Variants in UBE2E2 observed in about 807,000 individuals in gnomAD.
UBE2E2 encodes the protein ubiquitin conjugating enzyme E2 E2, also known as ubiquitin-conjugating enzyme E2 E2.
Under a neutral mutation model 24.7 loss-of-function variants are expected in UBE2E2, and 6 were observed. That is an observed-to-expected ratio of 0.24 (90% confidence interval 0.13 to 0.48). The LOEUF (loss-of-function observed/expected upper bound fraction) is 0.48, where lower values mean the gene tolerates loss of function less well. UBE2E2 is among the 20% of genes least tolerant of loss of function. UBE2E2 has a pLI of 0.99. For missense variants in UBE2E2, 169 were observed against 245.0 expected, an observed-to-expected ratio of 0.69 and a Z score of 2.07; for synonymous variants, 104 against 83.6, an observed-to-expected ratio of 1.24 and a Z score of -1.33.
chr3:23,373,320 G>T (rs552109556), intron 3 of UBE2E2, among the ~76,000 whole-genome samples: 1 of 152,282 alleles, frequency 6.6e-6, no homozygotes, highest in East Asian at 1.9e-4. Flanking sequence ...GACACTCACT[G>T]TCCTGTGGGG....
intron 3 of UBE2E2, among the ~76,000 whole-genome samples, chr3:23,263,350 G>C (rs1467996565): frequency 1.3e-5 from 2 of 152,162 alleles, no homozygotes; most frequent in African/African-American, 4.8e-5. Context: ...AAGATCTTTT[G>C]TGTTTTTGAG....
At chr3:23,336,609 T>C (rs944557618) in intron 3 of UBE2E2, among the ~76,000 whole-genome samples, 2 of 152,196 alleles carry the variant, frequency 1.3e-5, no homozygotes, top group East Asian at 3.8e-4. Flanking sequence ...TAATGTAAAA[T>C]TGTAACAAGT....
intron 3 of UBE2E2, among the ~76,000 whole-genome samples, chr3:23,363,040 G>A (rs1370394443): frequency 6.6e-6 from 1 of 152,130 alleles, no homozygotes; most frequent in Non-Finnish European, 1.5e-5. Context: ...TTCATATTTG[G>A]CAAAACTAAG....
chr3:23,540,724 A>G (rs1431761179), intron 5 of UBE2E2, among the ~76,000 whole-genome samples: 1 of 152,048 alleles, frequency 6.6e-6, no homozygotes, highest in Non-Finnish European at 1.5e-5. Context: ...TTTTAAAAAA[A>G]TAGAGAGAGA....
At chr3:23,216,688 T>G (rs1461690247) in intron 2 of UBE2E2, among the ~76,000 whole-genome samples, 4 of 152,250 alleles carry the variant, frequency 2.6e-5, no homozygotes, top group South Asian at 4.1e-4. Flanking sequence ...ATTTTTTTTT[T>G]TGCATGAAGC....
intron 5 of UBE2E2, among the ~76,000 whole-genome samples, chr3:23,547,934 C>A (rs1461592714): frequency 6.6e-6 from 1 of 152,134 alleles, no homozygotes; most frequent in East Asian, 1.9e-4. Context: ...GAAGCTATTC[C>A]CATACTTTGA....
At chr3:23,372,286 T>C (rs555369293) in intron 3 of UBE2E2, among the ~76,000 whole-genome samples, 1 of 152,100 alleles carries the variant, frequency 6.6e-6, no homozygotes, top group African/African-American at 2.4e-5. Flanking sequence ...TTTTGTTTAC[T>C]AAGTGTACTG....
chr3:23,494,897 G>A (rs980711104), intron 3 of UBE2E2, among the ~76,000 whole-genome samples: 4 of 151,652 alleles, frequency 2.6e-5, no homozygotes, highest in Admixed American at 6.6e-5. Flanking sequence ...TACTCCTCCC[G>A]AGTAGCTGGG....
intron 3 of UBE2E2, among the ~76,000 whole-genome samples, chr3:23,450,671 G>A (rs1698544736): frequency 6.6e-6 from 1 of 152,074 alleles, no homozygotes; most frequent in African/African-American, 2.4e-5. Flanking sequence ...TTAAAATTAT[G>A]AAGTATCTAT....
intron 3 of UBE2E2, among the ~76,000 whole-genome samples, chr3:23,219,061 A>G (rs1056522044): frequency 1.3e-5 from 2 of 152,246 alleles, no homozygotes; most frequent in East Asian, 3.9e-4. Context: ...ACTTTAGTTA[A>G]TTTTCTGACT....
At chr3:23,386,542 A>G (rs1445115798) in intron 3 of UBE2E2, among the ~76,000 whole-genome samples, 1 of 152,260 alleles carries the variant, frequency 6.6e-6, no homozygotes, top group Non-Finnish European at 1.5e-5. Context: ...GATGAATAAT[A>G]AAACTGTTTG....
intron 3 of UBE2E2, among the ~76,000 whole-genome samples, chr3:23,325,641 A>ATGAACGT (rs1177869570): frequency 6.6e-6 from 1 of 152,204 alleles, no homozygotes; most frequent in African/African-American, 2.4e-5. Flanking sequence ...CTAAGTAGTT[A>ATGAACGT]TGAACGTCCT....
intron 5 of UBE2E2, among the ~76,000 whole-genome samples, chr3:23,566,726 G>A (rs754420623): frequency 6.6e-6 from 1 of 152,074 alleles, no homozygotes; most frequent in African/African-American, 2.4e-5. Flanking sequence ...GCACTGAGCC[G>A]TTCATGAGGG....
chr3:23,245,510 A>T (rs1227132121), intron 3 of UBE2E2, among the ~76,000 whole-genome samples: 1 of 152,184 alleles, frequency 6.6e-6, no homozygotes, highest in East Asian at 1.9e-4. Flanking sequence ...AATTCTTTCA[A>T]ATTGACTGAA....
intron 3 of UBE2E2, among the ~76,000 whole-genome samples, chr3:23,459,996 G>A (rs941855944): frequency 1.1e-4 from 16 of 152,294 alleles, no homozygotes; most frequent in African/African-American, 3.6e-4. Context: ...GTTTGGGTAG[G>A]GGTCGAGTGC....
chr3:23,358,335 TG>T (rs1696023524), intron 3 of UBE2E2, among the ~76,000 whole-genome samples: 1 of 152,190 alleles, frequency 6.6e-6, no homozygotes, highest in Non-Finnish European at 1.5e-5. Flanking sequence ...AATAACTTTG[TG>T]TATGATGGTT....
At chr3:23,412,540 TAA>T (rs1697517633) in intron 3 of UBE2E2, among the ~76,000 whole-genome samples, 1 of 152,128 alleles carries the variant, frequency 6.6e-6, no homozygotes, top group Non-Finnish European at 1.5e-5. Flanking sequence ...AGTAGAACAG[TAA>T]ATTCAAACAG....
intron 3 of UBE2E2, among the ~76,000 whole-genome samples, chr3:23,399,276 C>G (rs1697157243): frequency 6.6e-6 from 1 of 152,136 alleles, no homozygotes; most frequent in African/African-American, 2.4e-5. Context: ...TTGCCAGCAT[C>G]ATTTGCACTT....
chr3:23,538,335 A>G (rs1406588317), intron 5 of UBE2E2, among the ~76,000 whole-genome samples: 1 of 152,168 alleles, frequency 6.6e-6, no homozygotes, highest in Non-Finnish European at 1.5e-5. Context: ...ATACTTCCAA[A>G]TATGGATGTG....
Sources: gnomAD v4.1 joint callset for allele counts (sites outside exome capture counted in the v4.1 genomes callset) on GRCh38, gnomAD v4.1.1 for gene constraint, MANE v1.5 for transcripts, NCBI Gene and HGNC (gene_info 2026-07-23, HGNC 2026-07-21) for gene names.